AMMECR1: variants seen among roughly 807,000 people sequenced by gnomAD.
AMMECR1 encodes AMMECR nuclear protein 1.
AMMECR1 carries 3 observed loss-of-function variants against 22.5 expected under a neutral mutation model. That is an observed-to-expected ratio of 0.13 (90% CI 0.06 to 0.35). The LOEUF is 0.35. Ranked by LOEUF, AMMECR1 falls within the 10% of genes least tolerant of loss-of-function variation. The probability of loss-of-function intolerance (pLI) is 1.00; values close to 1 mark genes in which losing one functional copy is unlikely to be tolerated. For missense variants in AMMECR1, 235 were observed against 278.7 expected, an observed-to-expected ratio of 0.84 and a Z score of 1.12; for synonymous variants, 130 against 116.7, an observed-to-expected ratio of 1.11 and a Z score of -0.74.
chrX:110,388,018 C>T (rs2068469424), intron 2 of AMMECR1, among the ~76,000 whole-genome samples: 1 of 110,063 alleles, frequency 9.1e-6, no homozygotes, highest in Non-Finnish European at 1.9e-5. Context: ...CCCGCCATCA[C>T]GCCCAGCTAA....
intron 2 of AMMECR1, among the ~76,000 whole-genome samples, chrX:110,380,621 G>A (rs960912359): frequency 4.5e-5 from 5 of 112,065 alleles, no homozygotes; most frequent in Non-Finnish European, 7.5e-5. Flanking sequence ...AATTTAAAAC[G>A]AGCCCAAATA....
chrX:110,224,495 T>C (rs1390920659), intron 2 of AMMECR1, among the ~76,000 whole-genome samples: 1 of 110,080 alleles, frequency 9.1e-6, no homozygotes, highest in Non-Finnish European at 1.9e-5. Context: ...GGTTACCAAC[T>C]GACTCAGAGT....
chrX:110,253,067 G>A (rs1187287746), intron 2 of AMMECR1, among the ~76,000 whole-genome samples: 1 of 112,057 alleles, frequency 8.9e-6, no homozygotes, highest in Admixed American at 9.4e-5. Context: ...GCCCCTGGCG[G>A]GGACCATGCT....
chrX:110,304,615 A>G (rs922882902), intron 1 of AMMECR1, among the ~76,000 whole-genome samples: 4 of 112,012 alleles, frequency 3.6e-5, no homozygotes, highest in African/African-American at 1.3e-4. Context: ...GTTATTTCCT[A>G]GTCTCTTGTC....
chrX:110,404,335 G>A (rs755062888), intron 2 of AMMECR1, among the ~76,000 whole-genome samples: 1 of 111,677 alleles, frequency 9.0e-6, no homozygotes, highest in Admixed American at 9.5e-5. Flanking sequence ...CTAGTGCTTA[G>A]GATAGGGCTG....
intron 2 of AMMECR1, among the ~76,000 whole-genome samples, chrX:110,405,088 T>C (rs910629525): frequency 2.7e-4 from 20 of 74,064 alleles, no homozygotes; most frequent in East Asian, 4.3e-4. Context: ...GCTTGTTGTG[T>C]CCCCCCCCCC....
At chrX:110,268,336 G>A (rs2067780446) in intron 1 of AMMECR1, among the ~76,000 whole-genome samples, 1 of 112,202 alleles carries the variant, frequency 8.9e-6, no homozygotes, top group South Asian at 3.7e-4. Flanking sequence ...GATGCCTGAA[G>A]ATGGAAGAAG....
At chrX:110,277,993 T>C (rs2067834735) in intron 1 of AMMECR1, among the ~76,000 whole-genome samples, 1 of 112,153 alleles carries the variant, frequency 8.9e-6, no homozygotes, top group Admixed American at 9.4e-5. Flanking sequence ...AATGTATGTG[T>C]ATTCTGTTAT....
intron 2 of AMMECR1, among the ~76,000 whole-genome samples, chrX:110,253,201 A>G (rs2067694886): frequency 8.9e-6 from 1 of 112,590 alleles, no homozygotes; most frequent in African/African-American, 3.2e-5. Flanking sequence ...CATTCATTGC[A>G]GAACATTAAC....
At chrX:110,201,746 A>G (rs1247062064) in intron 4 of AMMECR1, among the ~76,000 whole-genome samples, 2 of 112,054 alleles carry the variant, frequency 1.8e-5, no homozygotes, top group African/African-American at 6.5e-5. Context: ...AAACACGGGA[A>G]AACCAAATTA....
intron 1 of AMMECR1, among the ~76,000 whole-genome samples, chrX:110,286,379 T>C (rs887161863): frequency 2.7e-5 from 3 of 110,715 alleles, no homozygotes; most frequent in Non-Finnish European, 5.7e-5. Context: ...ATTAAAAAAT[T>C]AGAGCATGGG....
At chrX:110,414,655 T>G (rs956055863) in intron 2 of AMMECR1, among the ~76,000 whole-genome samples, 4 of 112,709 alleles carry the variant, frequency 3.5e-5, no homozygotes, top group Admixed American at 9.3e-5. Context: ...TTCCTTATCT[T>G]GATGAATTAT....
At chrX:110,438,686 T>A (rs1340577832) in intron 1 of AMMECR1, among the ~76,000 whole-genome samples, 2 of 111,575 alleles carry the variant, frequency 1.8e-5, no homozygotes, top group Non-Finnish European at 3.8e-5. Flanking sequence ...GTCTTGATTT[T>A]TTTTTTAGCA....
chrX:110,364,376 G>A (rs745894464), intron 2 of AMMECR1, among the ~76,000 whole-genome samples: 1 of 111,088 alleles, frequency 9.0e-6, no homozygotes, highest in African/African-American at 3.3e-5. Context: ...TTTTGGGGGC[G>A]GTGACACAAT....
chrX:110,198,507 G>C lies in AMMECR1; in HGVS notation c.*13C>G. 8.9e-7 allele frequency: 1 copy of C among 1,119,699 alleles called. No individual in the cohort carries two copies. The highest frequency in any genetic ancestry group is 1.2e-6 in the Non-Finnish European group (1 of 828,896). 92.3% of individuals were successfully genotyped at this position (1,119,699 alleles called of 1,213,427 possible). Reference sequence around the variant, plus strand: ...CTGCAGAGAGGCCCAGTGACTGGTTGTGCGGCTCAGTGTCAGGAATAATGG... The same window carrying C: ...CTGCAGAGAGGCCCAGTGACTGGTTCTGCGGCTCAGTGTCAGGAATAATGG... On this transcript the variant is annotated 3_prime_UTR_variant, in exon 6 of 6. Coordinates refer to ENST00000262844, the MANE Select transcript of AMMECR1 (RefSeq NM_015365.3).
At chrX:110,222,231 T>G (rs1383624052) in intron 2 of AMMECR1, among the ~76,000 whole-genome samples, 135 of 82,602 alleles carry the variant, frequency 1.6e-3, no homozygotes, top group African/African-American at 5.9e-3. Flanking sequence ...ATTAAGAAAA[T>G]GTGGCACATA....
At chrX:110,217,676 G>A (rs932204713) in intron 2 of AMMECR1, among the ~76,000 whole-genome samples, 1 of 111,307 alleles carries the variant, frequency 9.0e-6, no homozygotes, top group Non-Finnish European at 1.9e-5. Context: ...ATAGTAGCCA[G>A]GCTTAGAAAT....
At chrX:110,229,721 C>T (rs991834193) in intron 2 of AMMECR1, among the ~76,000 whole-genome samples, 3 of 112,145 alleles carry the variant, frequency 2.7e-5, no homozygotes, top group East Asian at 2.8e-4. Flanking sequence ...ACCCGGGAAG[C>T]GCAAGGTGTT....
At chrX:110,324,505 G>A (rs1213687104) in intron 2 of AMMECR1, among the ~76,000 whole-genome samples, 1 of 110,696 alleles carries the variant, frequency 9.0e-6, no homozygotes, top group African/African-American at 3.3e-5. Flanking sequence ...GAATAGAATT[G>A]ATGAGAGCAG....
Sources: gnomAD v4.1 joint callset for allele counts (sites outside exome capture counted in the v4.1 genomes callset) on GRCh38, gnomAD v4.1.1 for gene constraint, MANE v1.5 for transcripts, NCBI Gene and HGNC (gene_info 2026-07-23, HGNC 2026-07-21) for gene names.